Variants in CCDC178 observed in about 807,000 individuals in gnomAD.
CCDC178 encodes coiled-coil domain containing 178.
CCDC178 carries 126 observed loss-of-function variants against 117.4 expected under a neutral mutation model. The ratio of observed to expected loss-of-function variants is 1.07; its 90% confidence interval spans 0.93 to 1.24. The LOEUF is 1.24. Ranked by LOEUF, CCDC178 falls within the 50% of genes most tolerant of loss-of-function variation. CCDC178 has a pLI of 0.00. For synonymous variants in CCDC178, 283 were observed against 313.4 expected (o/e 0.90, Z 1.02); for missense variants, 1,030 against 986.9 (o/e 1.04, Z -0.59).
chr18:33,422,862 T>C (rs2064048217), intron 2 of CCDC178, among the ~76,000 whole-genome samples: 1 of 152,220 alleles, frequency 6.6e-6, no homozygotes, highest in African/African-American at 2.4e-5. Flanking sequence ...TAAAGTTTTC[T>C]AGCATTGGTT....
intron 21 of CCDC178, among the ~76,000 whole-genome samples, chr18:33,066,967 A>C (rs1220381152): frequency 1.3e-5 from 2 of 152,236 alleles, no homozygotes; most frequent in African/African-American, 2.4e-5. Context: ...ATCAACAAGG[A>C]AACATTGTAT....
At chr18:33,293,623 C>T (rs1417507703) in intron 11 of CCDC178, among the ~76,000 whole-genome samples, 1 of 152,060 alleles carries the variant, frequency 6.6e-6, no homozygotes, top group African/African-American at 2.4e-5. Flanking sequence ...TGTGATTGAT[C>T]CACTGTACTC....
At chr18:33,420,931 A>C (rs993368834) in intron 2 of CCDC178, among the ~76,000 whole-genome samples, 2 of 152,226 alleles carry the variant, frequency 1.3e-5, no homozygotes, top group Non-Finnish European at 1.5e-5. Flanking sequence ...ATCACAATGG[A>C]ACTTAGAAAA....
intron 19 of CCDC178, among the ~76,000 whole-genome samples, chr18:33,213,452 A>G (rs1247361013): frequency 6.6e-6 from 1 of 151,930 alleles, no homozygotes; most frequent in Non-Finnish European, 1.5e-5. Context: ...TCAGTAGCCA[A>G]TGATATTGAC....
chr18:33,024,313 C>T (rs2050467433), intron 21 of CCDC178, among the ~76,000 whole-genome samples: 1 of 152,174 alleles, frequency 6.6e-6, no homozygotes, highest in South Asian at 2.1e-4. Flanking sequence ...GATCAAGGTG[C>T]TGGCTGGATC....
At chr18:33,260,278 T>C (rs1411707205) in intron 14 of CCDC178, among the ~76,000 whole-genome samples, 3 of 152,180 alleles carry the variant, frequency 2.0e-5, no homozygotes, top group Non-Finnish European at 2.9e-5. Context: ...TTCTCACTGC[T>C]GCAGAGTATT....
intron 5 of CCDC178, among the ~76,000 whole-genome samples, chr18:33,379,096 C>T (rs760220294): frequency 1.6e-4 from 13 of 82,840 alleles, no homozygotes; most frequent in African/African-American, 3.5e-4. Context: ...ATTTCTTTGC[C>T]GTATATATAT....
intron 7 of CCDC178, 39 bp from the exon 8 acceptor site, chr18:33,349,014 T>C (rs776726785): frequency 7.5e-7 from 1 of 1,325,932 alleles, no homozygotes. Flanking sequence ...AAGAAGTACT[T>C]AAAGTTAGTA....
chr18:33,347,625 C>T (rs1425911014), intron 8 of CCDC178, among the ~76,000 whole-genome samples: 1 of 152,040 alleles, frequency 6.6e-6, no homozygotes, highest in Non-Finnish European at 1.5e-5. Context: ...CACTTGTTCT[C>T]CAGCCAATTT....
In CCDC178 at chr18:33,343,320, A is replaced by T. The variant is rs1217688518; in HGVS notation, c.658+2891T>A. Among the ~76,000 whole-genome samples the T allele has an allele frequency of 3.3e-5, 5 of 152,214 alleles. No homozygotes were observed. The East Asian group carries it at 5.8e-4, about 18-fold the overall frequency. On this transcript the variant is annotated intron_variant, in intron 9 of 22. Transcript: ENST00000383096. ...TTTGCAAGGGAAAACTGCTATGCAT[A>T]TCCAACTTTTAATTTGTAGGATCAT...
chr18:33,029,803 T>C (rs2056300577), intron 21 of CCDC178, among the ~76,000 whole-genome samples: 1 of 152,002 alleles, frequency 6.6e-6, no homozygotes, highest in African/African-American at 2.4e-5. Flanking sequence ...TTCCCAAGTT[T>C]CCATCTCTTA....
intron 3 of CCDC178, among the ~76,000 whole-genome samples, chr18:33,406,759 C>T (rs966907696): frequency 1.3e-5 from 2 of 152,020 alleles, no homozygotes; most frequent in Non-Finnish European, 2.9e-5. Flanking sequence ...TCCATACTTT[C>T]CCATGGGGAG....
chr18:33,211,781 A>G (rs1237016461), intron 20 of CCDC178, 115 bp downstream of exon 20: 1 of 769,032 alleles, frequency 1.3e-6, no homozygotes, highest in Non-Finnish European at 2.0e-6. Context: ...TAACAAATTT[A>G]TTTTTAAAAT....
In CCDC178 at chr18:33,301,675, G is replaced by A. The variant is rs376504701; in HGVS notation, c.1023-8363C>T. Among the ~76,000 whole-genome samples the A allele has an allele frequency of 1.2e-4, 18 of 152,314 alleles. No individual in the cohort carries two copies. In the East Asian group the frequency reaches 3.5e-3, roughly 29 times the overall value. ...AGCTTTAAGATTTAGTGACTGCCCT[G>A]TTGGATTTCAGACTTTTATGAGGCC... On this transcript the variant is annotated intron_variant, in intron 11 of 22. Transcript: ENST00000383096.
intron 2 of CCDC178, among the ~76,000 whole-genome samples, chr18:33,425,803 C>A (rs1325239303): frequency 1.3e-5 from 2 of 152,126 alleles, no homozygotes; most frequent in African/African-American, 2.4e-5. Context: ...AGGAGCAAGT[C>A]TAAGTTGACA....
chr18:33,273,021 C>T (rs72951096), intron 12 of CCDC178, among the ~76,000 whole-genome samples: 9,017 of 149,172 alleles, frequency 0.06, 404 homozygotes, highest in East Asian at 0.13. Flanking sequence ...GTATTTGATG[C>T]TCTAACCAAA....
chr18:33,255,719 A>C (rs1474869387), intron 14 of CCDC178, among the ~76,000 whole-genome samples: 1 of 152,106 alleles, frequency 6.6e-6, no homozygotes, highest in East Asian at 1.9e-4. Flanking sequence ...TGTACAGTAC[A>C]TGTTAAAATA....
chr18:33,213,706 G>T (rs2059133287), intron 19 of CCDC178, among the ~76,000 whole-genome samples: 5 of 151,946 alleles, frequency 3.3e-5, no homozygotes. Context: ...CTTTCTCACA[G>T]TGATAAAACA....
At chr18:32,975,914 T>C (rs1483472729) in intron 21 of CCDC178, among the ~76,000 whole-genome samples, 1 of 152,166 alleles carries the variant, frequency 6.6e-6, no homozygotes, top group Non-Finnish European at 1.5e-5. Flanking sequence ...TTTGTATATA[T>C]ATTTCAATAA....
Sources: gnomAD v4.1 joint callset for allele counts (sites outside exome capture counted in the v4.1 genomes callset) on GRCh38, gnomAD v4.1.1 for gene constraint, MANE v1.5 for transcripts, NCBI Gene and HGNC (gene_info 2026-07-23, HGNC 2026-07-21) for gene names.